The following DLG1 variants were observed in gnomAD, a reference collection of about 807,000 sequenced individuals.
DLG1 encodes discs large MAGUK scaffold protein 1, also known as disks large homolog 1.
A neutral mutation model predicts 123.4 loss-of-function variants in DLG1; 42 were observed. That is an observed-to-expected ratio of 0.34 (90% confidence interval 0.27 to 0.44). The LOEUF is 0.44. Ranked by LOEUF, DLG1 falls within the 20% of genes least tolerant of loss-of-function variation. DLG1 has a pLI of 1.00. For missense variants in DLG1, 942 were observed against 1,082.6 expected, an observed-to-expected ratio of 0.87 and a Z score of 1.82; for synonymous variants, 317 against 356.2, an observed-to-expected ratio of 0.89 and a Z score of 1.24.
intron 5 of DLG1, among the ~76,000 whole-genome samples, chr3:197,192,893 A>G (rs1720414535): frequency 6.6e-6 from 1 of 152,200 alleles, no homozygotes. Context: ...ATGAATAAAA[A>G]AGGGACCATG....
At chr3:197,135,232 T>C (rs1353638879) in intron 10 of DLG1, among the ~76,000 whole-genome samples, 1 of 152,212 alleles carries the variant, frequency 6.6e-6, no homozygotes, top group Non-Finnish European at 1.5e-5. Flanking sequence ...CAGTTATTGA[T>C]TGATATGGTA....
intron 4 of DLG1, among the ~76,000 whole-genome samples, chr3:197,242,068 T>G (rs1749170710): frequency 6.6e-6 from 1 of 152,130 alleles, no homozygotes; most frequent in African/African-American, 2.4e-5. Context: ...ACTTCACCTA[T>G]TAAGATACAC....
At chr3:197,084,698 T>A (rs1253363840) in intron 16 of DLG1, among the ~76,000 whole-genome samples, 1 of 151,904 alleles carries the variant, frequency 6.6e-6, no homozygotes. Flanking sequence ...GAGCATAAAA[T>A]CATTTTAGTA....
chr3:197,227,069 C>T (rs1740331353), intron 4 of DLG1, among the ~76,000 whole-genome samples: 1 of 152,190 alleles, frequency 6.6e-6, no homozygotes, highest in African/African-American at 2.4e-5. Flanking sequence ...TACTAAATAA[C>T]ACACAAAGGA....
intron 15 of DLG1, among the ~76,000 whole-genome samples, chr3:197,089,956 G>C (rs2149163186): frequency 6.6e-6 from 1 of 152,236 alleles, no homozygotes; most frequent in Non-Finnish European, 1.5e-5. Flanking sequence ...AAGTGAGAAA[G>C]GTTTGCTTTC....
Position 197,116,090 on chromosome 3 carries a change from A to AT in DLG1, c.1287-8dup, listed in dbSNP as rs769488380. The AT allele has an allele frequency of 6.3e-7, 1 of 1,588,964 alleles. No homozygotes were observed. Among genetic ancestry groups the AT allele is most frequent in the Non-Finnish European group, 8.5e-7 (1 of 1,172,864 alleles). On this transcript the variant is annotated splice_polypyrimidine_tract_variant and splice_region_variant and intron_variant, in intron 12 of 24. Coordinates refer to ENST00000667157, the MANE Select transcript of DLG1 (RefSeq NM_001366207.1). Reference sequence around the variant, plus strand: ...AACAACTTTTCTAGGTTCCCTAAAAATTAAAAAAAATTGAGTATCTTGGAA... The same window carrying AT: ...AACAACTTTTCTAGGTTCCCTAAAAATTTAAAAAAAATTGAGTATCTTGGAA...
intron 23 of DLG1, among the ~76,000 whole-genome samples, chr3:197,055,804 A>G (rs1396206829): frequency 6.6e-6 from 1 of 152,152 alleles, no homozygotes; most frequent in Non-Finnish European, 1.5e-5. Flanking sequence ...GGCCCTTTAA[A>G]TCTTTAAGTC....
At chr3:197,074,790 G>C (rs1233434949) in intron 18 of DLG1, among the ~76,000 whole-genome samples, 1 of 151,982 alleles carries the variant, frequency 6.6e-6, no homozygotes, top group East Asian at 1.9e-4. Context: ...AATCACTATG[G>C]TTGAAATAAA....
intron 5 of DLG1, among the ~76,000 whole-genome samples, chr3:197,179,109 G>C (rs1230384599): frequency 1.3e-5 from 2 of 152,188 alleles, no homozygotes; most frequent in Non-Finnish European, 2.9e-5. Flanking sequence ...ATAAGACCAG[G>C]AATCAGGTAT....
At chr3:197,214,606 G>A (rs1352797507) in intron 4 of DLG1, among the ~76,000 whole-genome samples, 2 of 151,852 alleles carry the variant, frequency 1.3e-5, no homozygotes, top group Non-Finnish European at 2.9e-5. Flanking sequence ...AAACAAAAAA[G>A]ACTAATAAAT....
chr3:197,282,806 G>C lies in DLG1; in HGVS notation c.191C>G (p.Pro64Arg), dbSNP rs1236133173. 2 of 1,598,910 alleles carry C rather than the reference G, an allele frequency of 1.3e-6. No homozygotes were observed. Among genetic ancestry groups the C allele is most frequent in the Non-Finnish European group, 1.7e-6 (2 of 1,172,132 alleles). ...CGGCTTTGAACGATCTATACATTTT[G>C]GATTATCCAGTAAGGTCACTTCATA... ...EFYEVTLLDN[P>R]KCIDRSKPSE... Residue 64 changes from proline (P) to arginine (R), a missense_variant, in exon 4 of 25, where the codon CCA becomes CGA. By Grantham distance (103) the Pro-to-Arg change is moderately radical. Transcript: ENST00000667157.
chr3:197,044,880 G>A (rs995449345), intron 24 of DLG1, 151 bp from the exon 25 acceptor site: 1 of 409,038 alleles, frequency 2.4e-6, no homozygotes, highest in East Asian at 3.6e-5. Flanking sequence ...AGGAAAAAAG[G>A]CTCACTTCAT....
intron 11 of DLG1, among the ~76,000 whole-genome samples, chr3:197,119,735 A>C (rs1360813608): frequency 6.6e-6 from 1 of 152,166 alleles, no homozygotes; most frequent in Non-Finnish European, 1.5e-5. Flanking sequence ...CTCCCACCTC[A>C]GCCTCCCAAA....
intron 13 of DLG1, 25 bp downstream of exon 13, chr3:197,115,902 C>T (rs756061667): frequency 1.7e-5 from 28 of 1,601,330 alleles, no homozygotes; most frequent in Admixed American, 1.7e-4. Context: ...ATAACAAAAA[C>T]GTGATCTTGA....
intron 4 of DLG1, among the ~76,000 whole-genome samples, chr3:197,220,693 A>T (rs527290822): frequency 1.2e-3 from 181 of 152,296 alleles, no homozygotes; most frequent in African/African-American, 4.1e-3. Context: ...GGAGTTTAAT[A>T]CACCATCCTG....
intron 5 of DLG1, among the ~76,000 whole-genome samples, chr3:197,185,179 G>A (rs909865559): frequency 9.2e-5 from 14 of 152,140 alleles, no homozygotes; most frequent in Non-Finnish European, 4.4e-5. Flanking sequence ...AGAGCATATC[G>A]TAAGTCCCAA....
intron 5 of DLG1, among the ~76,000 whole-genome samples, chr3:197,158,996 G>A (rs1046656733): frequency 2.6e-5 from 4 of 152,098 alleles, no homozygotes; most frequent in Non-Finnish European, 4.4e-5. Flanking sequence ...GTATCACAGA[G>A]ATTATGTGTT....
intron 23 of DLG1, among the ~76,000 whole-genome samples, chr3:197,052,536 C>T (rs114309285): frequency 2.0e-5 from 3 of 152,192 alleles, no homozygotes; most frequent in Admixed American, 6.5e-5. Context: ...TTGCTGTATA[C>T]TTGGAATGAC....
intron 4 of DLG1, among the ~76,000 whole-genome samples, chr3:197,208,795 G>A (rs143859694): frequency 4.1e-5 from 6 of 145,912 alleles, no homozygotes; most frequent in East Asian, 2.0e-4. Flanking sequence ...GTTGCTTGAC[G>A]AGAGGAGATT....
Sources: allele counts gnomAD v4.1 joint callset (sites outside exome capture counted in the v4.1 genomes callset), GRCh38; gene constraint gnomAD v4.1.1; transcripts MANE v1.5; gene names NCBI Gene and HGNC (gene_info 2026-07-23, HGNC 2026-07-21).